The following SMG6 variants were observed in gnomAD, a reference collection of about 807,000 sequenced individuals.
The protein encoded by SMG6 is telomerase-binding protein EST1A.
In SMG6, 66 loss-of-function variants were observed where a neutral mutation model predicts 142.2. That is an observed-to-expected ratio of 0.46 (90% CI 0.38 to 0.57). SMG6 has a LOEUF of 0.57. Among genes scored for constraint, SMG6 ranks in the 20% least tolerant of loss-of-function variants. SMG6 has a pLI of 0.00. For missense variants in SMG6, 1,793 were observed against 1,832.0 expected (o/e 0.98, Z 0.39); for synonymous variants, 779 against 702.4 (o/e 1.11, Z -1.72).
intron 18 of SMG6, chr17:2,062,195 G>C (rs2067800911): frequency 6.5e-6 from 1 of 152,740 alleles, no homozygotes; most frequent in East Asian, 1.9e-4. Flanking sequence ...GCACACCAAG[G>C]CTTTGGCCAA....
chr17:2,210,558 G>C (rs964741493), intron 10 of SMG6, among the ~76,000 whole-genome samples: 2 of 151,882 alleles, frequency 1.3e-5, no homozygotes, highest in African/African-American at 4.8e-5. Flanking sequence ...GATGACAGTT[G>C]AAACGACAAG....
chr17:2,300,589 C>A lies in SMG6; in HGVS notation c.164G>T (p.Gly55Val). Residue 55 changes from glycine to valine, a missense_variant, in exon 2 of 19, where the codon GGC becomes GTC. Coordinates refer to ENST00000263073, the MANE Select transcript of SMG6 (RefSeq NM_017575.5). ...RRPDLEIYKPGLSRLRNKPKI... is the reference protein window; with the variant it reads ...RRPDLEIYKPVLSRLRNKPKI... Reference sequence around the variant, plus strand: ...GGGCTTGTTCCTTAGCCGAGAAAGGCCAGGCTTATAGATTTCCAGATCTGG... The same window carrying A: ...GGGCTTGTTCCTTAGCCGAGAAAGGACAGGCTTATAGATTTCCAGATCTGG... The A allele has an allele frequency of 6.2e-7, 1 of 1,613,918 alleles. No individual in the cohort carries two copies. The highest frequency in any genetic ancestry group is 8.5e-7 in the Non-Finnish European group (1 of 1,179,908).
At chr17:2,194,188 C>A (rs928074435) in intron 10 of SMG6, among the ~76,000 whole-genome samples, 2 of 152,174 alleles carry the variant, frequency 1.3e-5, no homozygotes, top group Non-Finnish European at 2.9e-5. Flanking sequence ...CACGCAAGTA[C>A]TGTGTGTGCT....
At chr17:2,065,229 G>GC (rs1567566287) in intron 17 of SMG6, 75 bp from the exon 18 acceptor site, 1 of 1,284,950 alleles carries the variant, frequency 7.8e-7, no homozygotes, top group Non-Finnish European at 1.1e-6. Flanking sequence ...GGGATCCTCT[G>GC]CCTCGGGGGC....
At chr17:2,236,890 T>C in intron 9 of SMG6, 4 of 1,150,254 alleles carry the variant, frequency 3.5e-6, no homozygotes, top group Non-Finnish European at 4.3e-6. Flanking sequence ...TAAATCACTA[T>C]GAGTTATTAT....
intron 4 of SMG6, among the ~76,000 whole-genome samples, chr17:2,293,773 C>A (rs2075090370): frequency 6.6e-6 from 1 of 152,252 alleles, no homozygotes; most frequent in Admixed American, 6.5e-5. Context: ...CACGCCCACC[C>A]ACTTTTTTTG....
chr17:2,179,306 G>T (rs1364414085), intron 12 of SMG6, among the ~76,000 whole-genome samples: 1 of 152,198 alleles, frequency 6.6e-6, no homozygotes, highest in East Asian at 1.9e-4. Context: ...TGTCCTTGAA[G>T]GGGTGCCGAT....
At chr17:2,213,907 C>T (rs2072937174) in intron 10 of SMG6, 1 of 152,156 alleles carries the variant, frequency 6.6e-6, no homozygotes, top group South Asian at 2.1e-4. Context: ...GAATTACAGC[C>T]CATTACCTAC....
chr17:2,247,773 ACTGT>A (rs2151307013), intron 8 of SMG6, among the ~76,000 whole-genome samples: 1 of 151,938 alleles, frequency 6.6e-6, no homozygotes, highest in South Asian at 2.1e-4. Context: ...ACAGAATGAA[ACTGT>A]CTCAGAGAAA....
intron 3 of SMG6, 73 bp downstream of exon 3, chr17:2,297,790 C>T: frequency 6.7e-7 from 1 of 1,501,550 alleles, no homozygotes; most frequent in Admixed American, 1.9e-5. Flanking sequence ...CATAGTATTT[C>T]AGGTAGTAAA....
At chr17:2,230,018 T>C (rs183901654) in intron 10 of SMG6, among the ~76,000 whole-genome samples, 2 of 150,944 alleles carry the variant, frequency 1.3e-5, no homozygotes, top group Non-Finnish European at 3.0e-5. Context: ...AAACCCTGTC[T>C]CTACTAAAAA....
chr17:2,238,405 G>A (rs2073720946), intron 9 of SMG6, among the ~76,000 whole-genome samples: 1 of 151,844 alleles, frequency 6.6e-6, no homozygotes, highest in African/African-American at 2.4e-5. Flanking sequence ...ACTCTTGGAA[G>A]ATGTGGAATG....
At chr17:2,158,646 C>T (rs555131900) in intron 13 of SMG6, among the ~76,000 whole-genome samples, 2 of 152,084 alleles carry the variant, frequency 1.3e-5, no homozygotes, top group Non-Finnish European at 2.9e-5. Flanking sequence ...GGCTAAGCGC[C>T]GTGGCTCATG....
chr17:2,073,965 G>A (rs1210730281), intron 15 of SMG6, among the ~76,000 whole-genome samples: 1 of 151,690 alleles, frequency 6.6e-6, no homozygotes, highest in Admixed American at 6.6e-5. Context: ...TGTAGTCCCA[G>A]CTACTCGGGA....
At chr17:2,116,032 G>A (rs955766779) in intron 13 of SMG6, among the ~76,000 whole-genome samples, 1 of 151,862 alleles carries the variant, frequency 6.6e-6, no homozygotes, top group East Asian at 1.9e-4. Context: ...GACACAAAAA[G>A]CACTCACTAA....
At chr17:2,219,364 G>A (rs1299852716) in intron 10 of SMG6, among the ~76,000 whole-genome samples, 5 of 152,146 alleles carry the variant, frequency 3.3e-5, no homozygotes, top group East Asian at 1.9e-4. Flanking sequence ...CAGCCTGGGC[G>A]GCAGAGCGAG....
At chr17:2,124,807 T>C (rs2069818404) in intron 13 of SMG6, among the ~76,000 whole-genome samples, 1 of 152,182 alleles carries the variant, frequency 6.6e-6, no homozygotes, top group Admixed American at 6.6e-5. Flanking sequence ...TAATTAATTA[T>C]TTACAGCGTT....
intron 10 of SMG6, among the ~76,000 whole-genome samples, chr17:2,216,889 A>C (rs1487173246): frequency 6.6e-6 from 1 of 152,188 alleles, no homozygotes; most frequent in Admixed American, 6.5e-5. Flanking sequence ...GAGTTAGAAG[A>C]ATCAGTAATG....
chr17:2,302,499 C>T (rs2075304400), intron 1 of SMG6, among the ~76,000 whole-genome samples: 1 of 152,198 alleles, frequency 6.6e-6, no homozygotes, highest in Admixed American at 6.5e-5. Context: ...AGAGATCGCG[C>T]CACTGCACTC....
Sources: allele counts gnomAD v4.1 joint callset (sites outside exome capture counted in the v4.1 genomes callset), GRCh38; gene constraint gnomAD v4.1.1; transcripts MANE v1.5; gene names NCBI Gene and HGNC (gene_info 2026-07-23, HGNC 2026-07-21).